MCC: variants seen among roughly 807,000 people sequenced by gnomAD.
MCC encodes colorectal mutant cancer protein.
In MCC, 90 loss-of-function variants were observed where a neutral mutation model predicts 116.2. The observed-to-expected ratio is 0.77, with a 90% CI of 0.65 to 0.92. MCC has a LOEUF of 0.92. MCC is among the 40% of genes least tolerant of loss of function. The pLI is 0.00. For missense variants in MCC, 1,516 were observed against 1,312.2 expected (o/e 1.16, Z -2.40); for synonymous variants, 578 against 510.5 (o/e 1.13, Z -1.78).
chr5:113,392,364 T>C (rs888823290), intron 1 of MCC, among the ~76,000 whole-genome samples: 7 of 152,174 alleles, frequency 4.6e-5, no homozygotes, highest in African/African-American at 1.2e-4. Context: ...GAAAACGTAA[T>C]TTTAGAAACT....
intron 3 of MCC, among the ~76,000 whole-genome samples, chr5:113,267,935 G>C (rs1053795940): frequency 2.0e-5 from 3 of 152,120 alleles, no homozygotes; most frequent in African/African-American, 7.2e-5. Flanking sequence ...GCTAAAACAT[G>C]ATCTTAAATT....
intron 3 of MCC, among the ~76,000 whole-genome samples, chr5:113,318,658 C>A (rs1321651659): frequency 6.6e-6 from 1 of 151,450 alleles, no homozygotes; most frequent in Admixed American, 6.6e-5. Context: ...TAGAGGGGAA[C>A]AACACACACT....
intron 3 of MCC, among the ~76,000 whole-genome samples, chr5:113,241,836 A>T (rs2150339331): frequency 6.6e-6 from 1 of 152,374 alleles, no homozygotes; most frequent in African/African-American, 2.4e-5. Context: ...TCTTCTCTGG[A>T]AAAACTGCAA....
intron 3 of MCC, among the ~76,000 whole-genome samples, chr5:113,324,224 GT>G (rs1375659275): frequency 6.6e-6 from 1 of 152,128 alleles, no homozygotes; most frequent in African/African-American, 2.4e-5. Flanking sequence ...TTAGGAAGGA[GT>G]TTCTACTTGC....
At chr5:113,132,515 C>T (rs897802609) in intron 5 of MCC, among the ~76,000 whole-genome samples, 3 of 150,798 alleles carry the variant, frequency 2.0e-5, no homozygotes, top group African/African-American at 7.4e-5. Flanking sequence ...TATGCACAGC[C>T]TAGCCATCTT....
At chr5:113,323,407 A>T (rs1461654819) in intron 3 of MCC, 1 of 152,354 alleles carries the variant, frequency 6.6e-6, no homozygotes, top group Non-Finnish European at 1.5e-5. Flanking sequence ...TGGTCAGGAA[A>T]GGCTTCTTTG....
intron 3 of MCC, among the ~76,000 whole-genome samples, chr5:113,180,475 A>G (rs1007166900): frequency 2.0e-5 from 3 of 152,130 alleles, no homozygotes; most frequent in Non-Finnish European, 4.4e-5. Context: ...TAGGCTTTCA[A>G]TGCTGTTCAG....
intron 11 of MCC, among the ~76,000 whole-genome samples, chr5:113,072,396 C>G (rs1326280216): frequency 1.6e-4 from 25 of 152,210 alleles, no homozygotes; most frequent in Admixed American, 1.6e-3. Context: ...CACATTAAGA[C>G]TTCTTGAAAA....
At chr5:113,276,846 C>T (rs1765845778) in intron 3 of MCC, among the ~76,000 whole-genome samples, 2 of 149,404 alleles carry the variant, frequency 1.3e-5, no homozygotes, top group South Asian at 2.1e-4. Flanking sequence ...ACGGTGTTAC[C>T]GAGGCTGGTC....
intron 6 of MCC, among the ~76,000 whole-genome samples, chr5:113,107,462 T>C (rs1215842007): frequency 1.3e-5 from 2 of 152,062 alleles, no homozygotes; most frequent in East Asian, 3.9e-4. Context: ...AGTGCTTTTG[T>C]TCCTTGTTGT....
chr5:113,061,316 T>A (rs997208943), intron 14 of MCC, among the ~76,000 whole-genome samples: 2 of 152,206 alleles, frequency 1.3e-5, no homozygotes, highest in African/African-American at 2.4e-5. Flanking sequence ...TTGGCCACAG[T>A]TCCTTTGTGG....
In MCC at chr5:113,290,782, T is replaced by C. The variant is rs1479445777; in HGVS notation, c.627+49737A>G. Among the ~76,000 whole-genome samples, 4 of 152,332 alleles carry C rather than the reference T, an allele frequency of 2.6e-5. No homozygotes were observed. The South Asian group carries it at 6.2e-4, about 24-fold the overall frequency. On this transcript the variant is annotated intron_variant, in intron 3 of 18. Transcript: ENST00000408903. The stretch of plus-strand genomic sequence containing the variant: ...GTGTGGCCATTCGGCTTCTTGATCA[T>C]GGGGGAGAGAGGTTGAATTCAAACA...
In MCC at chr5:113,193,404, T is replaced by C. The variant is rs544657166; in HGVS notation, c.628-41982A>G. Among the ~76,000 whole-genome samples the C allele has an allele frequency of 3.3e-5, 5 of 152,314 alleles. No homozygotes were observed. In the South Asian group the frequency reaches 1.0e-3, roughly 32 times the overall value. ...CAACCCAACAGATGTTCTTATTATA[T>C]TAAGCTATTTGAGAATGGTAACATG... On this transcript the variant is annotated intron_variant, in intron 3 of 18. Transcript: ENST00000408903.
chr5:113,080,977 T>C (rs1006291425), intron 11 of MCC, among the ~76,000 whole-genome samples: 13 of 152,224 alleles, frequency 8.5e-5, no homozygotes, highest in Admixed American at 3.9e-4. Context: ...GGACCCTTTC[T>C]GTTTTACTTT....
chr5:113,463,970 T>A (rs987855432), intron 1 of MCC, among the ~76,000 whole-genome samples: 4 of 152,062 alleles, frequency 2.6e-5, no homozygotes, highest in Admixed American at 6.6e-5. Flanking sequence ...GCAAGAAGAC[T>A]GTGGGGTCTT....
chr5:113,438,375 G>A (rs1319600064), intron 1 of MCC, among the ~76,000 whole-genome samples: 1 of 152,170 alleles, frequency 6.6e-6, no homozygotes, highest in Non-Finnish European at 1.5e-5. Context: ...TTAAATCCCA[G>A]GGGCCACATC....
chr5:113,395,548 T>C lies in MCC; in HGVS notation c.171-10336A>G, dbSNP rs140544987. Among the ~76,000 whole-genome samples the C allele has an allele frequency of 3.7e-3, 557 of 152,324 alleles. 7 individuals carry two copies. Among genetic ancestry groups the C allele is most frequent in the African/African-American group, 0.012 (513 of 41,590 alleles). On this transcript the variant is annotated intron_variant, in intron 1 of 18. Coordinates refer to ENST00000408903, the MANE Select transcript of MCC (RefSeq NM_001085377.2). ...CACCAGGCGTATATGTAATTGACTA[T>C]TCCCCTACCTGCTCCTTTTCTCTTG...
At position 113,434,004 on chromosome 5, in the gene MCC, G is replaced by C. The variant is rs778511464; in HGVS notation, c.171-48792C>G. On this transcript the variant is annotated intron_variant, in intron 1 of 18. Coordinates refer to ENST00000408903, the MANE Select transcript of MCC (RefSeq NM_001085377.2). This position sits in a 1 kb window ranked among gnomAD's most constrained non-coding sequence, Gnocchi z 4.2. ...CTCCTTGTTGATGGCCACAGAGGGA[G>C]ATCCCCGTGCCTTGGGCTGCATCCA... 5.0e-6 allele frequency: 8 copies of C among 1,613,916 alleles called. No individual in the cohort carries two copies. In the East Asian group the frequency reaches 1.8e-4, roughly 36 times the overall value.
At chr5:113,443,404 G>C (rs1445024701) in intron 1 of MCC, among the ~76,000 whole-genome samples, 1 of 152,180 alleles carries the variant, frequency 6.6e-6, no homozygotes, top group Admixed American at 6.5e-5. Context: ...GGTCTGAGAT[G>C]ATGGGGTTTT....
Sources: gnomAD v4.1 joint callset for allele counts (sites outside exome capture counted in the v4.1 genomes callset) on GRCh38, gnomAD v4.1.1 for gene constraint, Gnocchi (gnomAD v3.1) non-coding constraint, MANE v1.5 for transcripts, NCBI Gene and HGNC (gene_info 2026-07-23, HGNC 2026-07-21) for gene names.